The following NRXN3 variants were observed in gnomAD, a reference collection of about 807,000 sequenced individuals.
NRXN3 encodes the protein neurexin 3.
A neutral mutation model predicts 137.6 loss-of-function variants in NRXN3; 32 were observed. The observed-to-expected ratio is 0.23, with a 90% CI of 0.18 to 0.31. The LOEUF is 0.31. Ranked by LOEUF, NRXN3 falls within the 10% of genes least tolerant of loss-of-function variation. The probability of loss-of-function intolerance (pLI) is 1.00; values close to 1 mark genes in which losing one functional copy is unlikely to be tolerated. For synonymous variants in NRXN3, 798 were observed against 784.5 expected, an observed-to-expected ratio of 1.02 and a Z score of -0.29; for missense variants, 1,574 against 2,062.5, an observed-to-expected ratio of 0.76 and a Z score of 4.59.
At chr14:79,794,736 C>A (rs1289786297) in intron 19 of NRXN3, among the ~76,000 whole-genome samples, 1 of 152,172 alleles carries the variant, frequency 6.6e-6, no homozygotes, top group Non-Finnish European at 1.5e-5. Flanking sequence ...TACCAACCTC[C>A]CAAGGAGAAA....
intron 15 of NRXN3, among the ~76,000 whole-genome samples, chr14:79,327,951 C>G (rs563166379): frequency 6.6e-6 from 1 of 152,158 alleles, no homozygotes; most frequent in East Asian, 1.9e-4. Context: ...TTCTTGATAT[C>G]TTTCCCTTAT....
At chr14:78,328,211 G>T (rs2080338276) in intron 4 of NRXN3, among the ~76,000 whole-genome samples, 1 of 152,100 alleles carries the variant, frequency 6.6e-6, no homozygotes, top group African/African-American at 2.4e-5. Flanking sequence ...AATCCCAATT[G>T]TTCCTAGGCA....
intron 17 of NRXN3, among the ~76,000 whole-genome samples, chr14:79,682,032 G>A (rs1024572119): frequency 3.9e-5 from 6 of 151,966 alleles, no homozygotes; most frequent in African/African-American, 1.4e-4. Flanking sequence ...AAAATTAAAT[G>A]CCCATTAAGA....
At chr14:78,649,393 C>A in intron 5 of NRXN3, 1 of 359,086 alleles carries the variant, frequency 2.8e-6, no homozygotes. Context: ...CCCTTTTATC[C>A]TCTTTAGACT....
intron 4 of NRXN3, among the ~76,000 whole-genome samples, chr14:78,342,106 GGACTTTCATTGCT>G (rs1159575633): frequency 6.6e-6 from 1 of 152,136 alleles, no homozygotes; most frequent in East Asian, 1.9e-4. Flanking sequence ...CTGAAATGTG[GGACTTTCATTGCT>G]GAAACCAGGA....
chr14:78,364,846 T>C (rs967013598), intron 4 of NRXN3, among the ~76,000 whole-genome samples: 1 of 152,218 alleles, frequency 6.6e-6, no homozygotes, highest in Non-Finnish European at 1.5e-5. Context: ...TTACTTCTCC[T>C]GATTTGAGTT....
chr14:78,418,661 A>G (rs2093281052), intron 4 of NRXN3, among the ~76,000 whole-genome samples: 4 of 152,244 alleles, frequency 2.6e-5, no homozygotes, highest in Admixed American at 1.3e-4. Context: ...AGAAACAAGC[A>G]TTTTCTTACA....
intron 19 of NRXN3, among the ~76,000 whole-genome samples, chr14:79,782,968 A>G (rs1282453436): frequency 6.6e-6 from 1 of 152,164 alleles, no homozygotes; most frequent in Non-Finnish European, 1.5e-5. Flanking sequence ...TCTATGTGGC[A>G]TTCAATGTTC....
At chr14:78,802,498 C>T (rs976697057) in intron 8 of NRXN3, among the ~76,000 whole-genome samples, 3 of 152,102 alleles carry the variant, frequency 2.0e-5, no homozygotes, top group Admixed American at 1.3e-4. Context: ...CTAACCTGCA[C>T]GTTGTGCACA....
At chr14:78,772,454 T>C (rs1485938078) in intron 8 of NRXN3, among the ~76,000 whole-genome samples, 1 of 152,194 alleles carries the variant, frequency 6.6e-6, no homozygotes, top group Non-Finnish European at 1.5e-5. Context: ...AGTGGAAGAA[T>C]GAGTCAATAA....
chr14:78,545,053 G>A (rs1013437011), intron 4 of NRXN3, among the ~76,000 whole-genome samples: 2 of 152,194 alleles, frequency 1.3e-5, no homozygotes, highest in African/African-American at 2.4e-5. Context: ...TTTCATGATA[G>A]TTTTAGATGT....
At chr14:78,555,501 C>A (rs2096729598) in intron 4 of NRXN3, among the ~76,000 whole-genome samples, 1 of 152,174 alleles carries the variant, frequency 6.6e-6, no homozygotes, top group African/African-American at 2.4e-5. Context: ...ACTAGTGCAA[C>A]AAGATGCTGA....
At chr14:78,375,190 G>C (rs1281615968) in intron 4 of NRXN3, among the ~76,000 whole-genome samples, 1 of 152,160 alleles carries the variant, frequency 6.6e-6, no homozygotes, top group Non-Finnish European at 1.5e-5. Context: ...TCAGTGATTG[G>C]GAGCTCACTC....
intron 19 of NRXN3, among the ~76,000 whole-genome samples, chr14:79,753,637 G>T (rs1413357709): frequency 6.6e-6 from 1 of 151,006 alleles, no homozygotes; most frequent in Non-Finnish European, 1.5e-5. Flanking sequence ...GAGTTAATGG[G>T]TGCAGCACAC....
chr14:79,291,525 T>G (rs955691709), intron 15 of NRXN3, among the ~76,000 whole-genome samples: 3 of 151,326 alleles, frequency 2.0e-5, no homozygotes, highest in Non-Finnish European at 2.9e-5. Context: ...CAGCCCATTT[T>G]CCCACTTTAA....
intron 4 of NRXN3, among the ~76,000 whole-genome samples, chr14:78,617,912 G>C (rs1190499387): frequency 2.1e-5 from 3 of 144,210 alleles, no homozygotes; most frequent in Non-Finnish European, 3.0e-5. Flanking sequence ...GCCATTGAAA[G>C]TAATGGCAAA....
rs867391541 is a variant in NRXN3, at chr14:79,528,490, C to T, written c.3444+61088C>T. On this transcript the variant is annotated intron_variant, in intron 16 of 20. Transcript: ENST00000335750. ...AAGTTATACAAGATCAATTTAGTCA[C>T]ATCTCTATGTGAGTATGTTTGCATC... is the stretch of plus-strand genomic sequence containing the variant. Among the ~76,000 whole-genome samples, 6 of 152,244 alleles carry T rather than the reference C, an allele frequency of 3.9e-5. No homozygotes were observed. In the South Asian group the frequency reaches 6.2e-4, roughly 16 times the overall value.
rs1439047170 is a variant in NRXN3 at position 78,966,375 on chromosome 14, A to C, written c.2746A>C (p.Asn916His). The C allele has an allele frequency of 6.2e-7, 1 of 1,613,938 alleles. No individual in the cohort carries two copies. The highest frequency in any genetic ancestry group is 8.5e-7 in the Non-Finnish European group (1 of 1,179,836). The change falls in exon 12 of 21, where the codon AAT (asparagine) becomes CAT (histidine). Residue 916 changes from asparagine (N) to histidine (H), a missense_variant. Physicochemically the swap from Asn to His is moderately conservative, Grantham distance 68. Transcript: ENST00000335750. ...CATTCTCTTCAATAGTGGTGATGGC[A>C]ATGACTTCATTGCAGTCGAGCTTGT... ...GFILFNSGDG[N>H]DFIAVELVKG...
At chr14:79,545,579 A>G (rs1762810688) in intron 16 of NRXN3, among the ~76,000 whole-genome samples, 1 of 151,930 alleles carries the variant, frequency 6.6e-6, no homozygotes, top group African/African-American at 2.4e-5. Flanking sequence ...TACCATATTC[A>G]CATGCTTCAA....
Sources: gnomAD v4.1 joint callset for allele counts (sites outside exome capture counted in the v4.1 genomes callset) on GRCh38, gnomAD v4.1.1 for gene constraint, MANE v1.5 for transcripts, NCBI Gene and HGNC (gene_info 2026-07-23, HGNC 2026-07-21) for gene names.